Variants in NIBAN1 observed in about 807,000 individuals in gnomAD.
NIBAN1 encodes niban apoptosis regulator 1.
NIBAN1 carries 81 observed loss-of-function variants against 75.1 expected under a neutral mutation model. That is an observed-to-expected ratio of 1.08 (90% CI 0.90 to 1.30). The LOEUF (loss-of-function observed/expected upper bound fraction) is 1.30, where lower values mean the gene tolerates loss of function less well. NIBAN1 is among the 50% of genes most tolerant of loss of function. The probability of loss-of-function intolerance (pLI) is 0.00; values close to 1 mark genes in which losing one functional copy is unlikely to be tolerated. For synonymous variants in NIBAN1, 436 were observed against 424.8 expected (o/e 1.03, Z -0.32); for missense variants, 1,133 against 1,128.1 (o/e 1.00, Z -0.06).
At chr1:184,803,310 G>A (rs1654095796) in intron 12 of NIBAN1, among the ~76,000 whole-genome samples, 1 of 152,086 alleles carries the variant, frequency 6.6e-6, no homozygotes, top group Admixed American at 6.6e-5. Context: ...CTAGTCCAGG[G>A]GTCAGCATAT....
At chr1:184,827,958 T>A (rs1053226711) in intron 6 of NIBAN1, among the ~76,000 whole-genome samples, 1 of 149,978 alleles carries the variant, frequency 6.7e-6, no homozygotes, top group African/African-American at 2.4e-5. Flanking sequence ...GTTTTGTTTT[T>A]TGTTTTTTTT....
At chr1:184,926,086 T>A (rs967242251) in intron 1 of NIBAN1, among the ~76,000 whole-genome samples, 2 of 152,238 alleles carry the variant, frequency 1.3e-5, no homozygotes, top group African/African-American at 4.8e-5. Context: ...TTGAAGGGTA[T>A]TTTTGCTGGA....
intron 1 of NIBAN1, among the ~76,000 whole-genome samples, chr1:184,955,307 T>TTTTCCTTTCCTTTCC (rs539172229): frequency 0.12 from 10,890 of 94,408 alleles, 1,118 homozygotes; most frequent in Middle Eastern, 0.14. Context: ...TTTTCTTTTC[T>TTTTCCTTTCCTTTCC]TTTCCTTTCC....
At chr1:184,914,299 A>G (rs1004902935) in intron 1 of NIBAN1, among the ~76,000 whole-genome samples, 1 of 152,240 alleles carries the variant, frequency 6.6e-6, no homozygotes, top group African/African-American at 2.4e-5. Flanking sequence ...CCTTGAGGGA[A>G]TATAACGGGA....
intron 4 of NIBAN1, among the ~76,000 whole-genome samples, chr1:184,885,131 C>T (rs184125373): frequency 6.6e-6 from 1 of 152,322 alleles, no homozygotes; most frequent in African/African-American, 2.4e-5. Flanking sequence ...TCACTGCAAC[C>T]TCCACCTCCC....
At chr1:184,878,237 G>T (rs1656284320) in intron 5 of NIBAN1, among the ~76,000 whole-genome samples, 2 of 152,188 alleles carry the variant, frequency 1.3e-5, no homozygotes, top group South Asian at 4.1e-4. Context: ...GTTTATTCTA[G>T]TCTGTGATGG....
At chr1:184,832,655 G>A (rs926492214) in intron 5 of NIBAN1, among the ~76,000 whole-genome samples, 1 of 152,172 alleles carries the variant, frequency 6.6e-6, no homozygotes, top group African/African-American at 2.4e-5. Flanking sequence ...CTCAGAGCTT[G>A]CCTCTAACCA....
intron 1 of NIBAN1, among the ~76,000 whole-genome samples, chr1:184,961,317 C>T (rs1658637424): frequency 6.6e-6 from 1 of 151,922 alleles, no homozygotes; most frequent in South Asian, 2.1e-4. Flanking sequence ...GATCCACCCG[C>T]CTCGGCCTCC....
chr1:184,798,400 C>T (rs1296684882), intron 12 of NIBAN1, among the ~76,000 whole-genome samples: 1 of 152,184 alleles, frequency 6.6e-6, no homozygotes, highest in African/African-American at 2.4e-5. Flanking sequence ...CATGCCTGAC[C>T]TCGACACATC....
At chr1:184,823,381 A>C in intron 7 of NIBAN1, 52 bp from the exon 8 acceptor site, 1 of 1,600,724 alleles carries the variant, frequency 6.2e-7, no homozygotes, top group Non-Finnish European at 8.5e-7. Context: ...GTAAGCACTG[A>C]TGGAGTCAAG....
chr1:184,899,187 T>G lies in NIBAN1; in HGVS notation c.178A>C (p.Lys60Gln). 1 of 1,613,806 alleles carries G rather than the reference T, an allele frequency of 6.2e-7. No homozygotes were observed. Among genetic ancestry groups the G allele is most frequent in the Non-Finnish European group, 8.5e-7 (1 of 1,179,760 alleles). The change falls in exon 2 of 14, where the codon AAG (lysine) becomes CAG (glutamine). Residue 60 changes from lysine to glutamine, a missense_variant. Physicochemically the swap from Lys to Gln is moderately conservative, Grantham distance 53. Coordinates refer to ENST00000367511, the MANE Select transcript of NIBAN1 (RefSeq NM_052966.4). ...QQRDLTSQFLKTKPPLAPGTI... is the reference protein window; with the variant it reads ...QQRDLTSQFLQTKPPLAPGTI... ...AAATATCCATGGCTTACCTTGGTCT[T>G]CAAAAACTGTGACGTTAAATCTCTT...
intron 1 of NIBAN1, among the ~76,000 whole-genome samples, chr1:184,961,708 T>A (rs539010620): frequency 7.2e-5 from 11 of 152,314 alleles, no homozygotes; most frequent in African/African-American, 2.6e-4. Flanking sequence ...TCATGATAAT[T>A]CCATACTCTT....
rs566265897 is a variant in NIBAN1 at position 184,809,607 on chromosome 1, G to GTATA, written c.1174-1376_1174-1373dup. ...TAAATACATCAGGGTATATGTGTGT[G>GTATA]TATATATATATATACACATATATAT... On this transcript the variant is annotated intron_variant, in intron 9 of 13. Coordinates refer to ENST00000367511, the MANE Select transcript of NIBAN1 (RefSeq NM_052966.4). Among the ~76,000 whole-genome samples, 204 of 147,538 alleles carry GTATA rather than the reference G, an allele frequency of 1.4e-3. 3 individuals are homozygous for GTATA. The East Asian group carries it at 0.036, about 26-fold the overall frequency.
intron 1 of NIBAN1, among the ~76,000 whole-genome samples, chr1:184,900,514 A>C (rs574313240): frequency 3.5e-4 from 53 of 152,356 alleles, no homozygotes; most frequent in African/African-American, 1.1e-3. Flanking sequence ...TATATTAAAT[A>C]GTCTCTCAGC....
intron 1 of NIBAN1, among the ~76,000 whole-genome samples, chr1:184,934,973 G>A (rs1455114939): frequency 6.6e-6 from 1 of 152,176 alleles, no homozygotes; most frequent in Non-Finnish European, 1.5e-5. Flanking sequence ...AGGAGGCTGA[G>A]ACAGGAGGAT....
At chr1:184,913,748 G>T (rs1657308618) in intron 1 of NIBAN1, among the ~76,000 whole-genome samples, 1 of 152,150 alleles carries the variant, frequency 6.6e-6, no homozygotes, top group Non-Finnish European at 1.5e-5. Flanking sequence ...GTGAGTACCT[G>T]AAGGACTGCC....
At chr1:184,819,953 G>T (rs1287843461) in intron 8 of NIBAN1, among the ~76,000 whole-genome samples, 8 of 152,188 alleles carry the variant, frequency 5.3e-5, no homozygotes, top group East Asian at 1.9e-4. Flanking sequence ...TCACAGAGTT[G>T]TGCAGGACCA....
chr1:184,851,777 CTCAAAGT>C (rs1033651177), intron 5 of NIBAN1, among the ~76,000 whole-genome samples: 1 of 151,256 alleles, frequency 6.6e-6, no homozygotes, highest in Non-Finnish European at 1.5e-5. Flanking sequence ...GTACTTGTGG[CTCAAAGT>C]TTATGAAATG....
chr1:184,822,690 C>T (rs1440268820), intron 8 of NIBAN1, among the ~76,000 whole-genome samples: 1 of 152,176 alleles, frequency 6.6e-6, no homozygotes, highest in Non-Finnish European at 1.5e-5. Flanking sequence ...CTGGGTATGA[C>T]TCCAAGCCAA....
Sources: allele counts gnomAD v4.1 joint callset (sites outside exome capture counted in the v4.1 genomes callset), GRCh38; gene constraint gnomAD v4.1.1; transcripts MANE v1.5; gene names NCBI Gene and HGNC (gene_info 2026-07-23, HGNC 2026-07-21).